The following TENM2 variants were observed in gnomAD, a reference collection of about 807,000 sequenced individuals.
TENM2 encodes teneurin-2.
TENM2 carries 52 observed loss-of-function variants against 245.2 expected under a neutral mutation model. The observed-to-expected ratio is 0.21, with a 90% CI of 0.17 to 0.27. The LOEUF (loss-of-function observed/expected upper bound fraction) is 0.27. TENM2 is among the 10% of genes least tolerant of loss of function. The probability of loss-of-function intolerance (pLI) is 1.00; values close to 1 mark genes in which losing one functional copy is unlikely to be tolerated. For missense variants in TENM2, 3,046 were observed against 3,666.8 expected, an observed-to-expected ratio of 0.83 and a Z score of 4.37; for synonymous variants, 1,363 against 1,438.9, an observed-to-expected ratio of 0.95 and a Z score of 1.19.
chr5:168,121,957 A>G (rs1160567373), intron 10 of TENM2, among the ~76,000 whole-genome samples: 3 of 152,238 alleles, frequency 2.0e-5, no homozygotes, highest in African/African-American at 7.2e-5. Flanking sequence ...CAGATCCCCA[A>G]ATACGATTTT....
chr5:167,958,862 T>G (rs1780768539), intron 4 of TENM2, among the ~76,000 whole-genome samples: 1 of 152,314 alleles, frequency 6.6e-6, no homozygotes, highest in Non-Finnish European at 1.5e-5. Flanking sequence ...GTTAGTCTGA[T>G]GAGCTTCCTT....
At chr5:168,083,692 G>C (rs1792197173) in intron 7 of TENM2, among the ~76,000 whole-genome samples, 1 of 152,018 alleles carries the variant, frequency 6.6e-6, no homozygotes, top group African/African-American at 2.4e-5. Context: ...AGAATCATGA[G>C]TTTTTGCTGA....
intron 2 of TENM2, among the ~76,000 whole-genome samples, chr5:167,460,229 G>A (rs988809329): frequency 2.0e-5 from 3 of 151,982 alleles, no homozygotes; most frequent in Non-Finnish European, 4.4e-5. Context: ...TCTCTAAAGC[G>A]CATCATCCAA....
In TENM2 at chr5:168,162,762, G is replaced by A. The variant is rs1306292733; in HGVS notation, c.2569+5G>A. On this transcript the variant is annotated splice_donor_5th_base_variant and intron_variant, in intron 13 of 28. Coordinates refer to ENST00000518659, the Ensembl canonical transcript of TENM2. ...ATAACAAGGATAATGAGGGAGGTGA[G>A]CACGCGTCTTCTCATTCCCAGCCCC... The A allele has an allele frequency of 1.2e-6, 2 of 1,611,336 alleles. No individual in the cohort carries two copies. Among genetic ancestry groups the A allele is most frequent in the Non-Finnish European group, 1.7e-6 (2 of 1,177,638 alleles).
chr5:167,414,850 A>C (rs989489378), intron 2 of TENM2, among the ~76,000 whole-genome samples: 2 of 152,176 alleles, frequency 1.3e-5, no homozygotes, highest in African/African-American at 2.4e-5. Context: ...AGCAAGAGTT[A>C]TCCTTTCTGT....
At chr5:167,187,848 A>AT in the TENM2 span, among the ~76,000 whole-genome samples, 1 of 151,872 alleles carries the variant, frequency 6.6e-6, no homozygotes, top group South Asian at 2.1e-4. Context: ...TGCTGTTCTG[A>AT]TTTTCCAAGA....
intron 1 of TENM2, among the ~76,000 whole-genome samples, chr5:167,359,509 T>C (rs1466571560): frequency 6.9e-6 from 1 of 144,040 alleles, no homozygotes; most frequent in Non-Finnish European, 1.6e-5. Flanking sequence ...TCTTCTACTT[T>C]CTATTTTTTT....
At chr5:167,431,970 T>TATGTGTATATATATATATATATAC (rs1764278227) in intron 2 of TENM2, among the ~76,000 whole-genome samples, 3 of 135,526 alleles carry the variant, frequency 2.2e-5, no homozygotes, top group Non-Finnish European at 3.1e-5. Flanking sequence ...TGTATATATA[T>TATGTGTATATATATATATATATAC]ATATATATGG....
the TENM2 span, among the ~76,000 whole-genome samples, chr5:167,091,162 G>A: frequency 3.3e-5 from 5 of 152,058 alleles, no homozygotes; most frequent in Admixed American, 2.0e-4. Context: ...ATAACCAGAT[G>A]TGGAACAGCT....
At chr5:167,569,058 T>C (rs1433902680) in intron 2 of TENM2, among the ~76,000 whole-genome samples, 1 of 138,928 alleles carries the variant, frequency 7.2e-6, no homozygotes, top group East Asian at 2.3e-4. Flanking sequence ...CCGAAATCAA[T>C]GAGTATCACC....
At chr5:167,411,853 A>G (rs1335230555) in intron 2 of TENM2, among the ~76,000 whole-genome samples, 2 of 142,804 alleles carry the variant, frequency 1.4e-5, no homozygotes, top group African/African-American at 2.6e-5. Context: ...TTCAATTATC[A>G]TATTCATGTC....
intron 2 of TENM2, among the ~76,000 whole-genome samples, chr5:167,634,877 G>A (rs947440131): frequency 5.3e-5 from 8 of 151,956 alleles, no homozygotes; most frequent in Admixed American, 3.3e-4. Flanking sequence ...GGACATTCAG[G>A]GATAATTTCA....
At position 168,067,968 on chromosome 5, in the gene TENM2, C is replaced by T. The variant is rs58768745; in HGVS notation, c.1515+5703C>T. Among the ~76,000 whole-genome samples the T allele has an allele frequency of 5.4e-3, 817 of 152,230 alleles. 7 individuals carry two copies. Among genetic ancestry groups the T allele is most frequent in the African/African-American group, 0.018 (768 of 41,528 alleles). On this transcript the variant is annotated intron_variant, in intron 7 of 28. Transcript: ENST00000518659. ...CAGAACCTTCCTTTCCAAAGGAGCT[C>T]GAGCTGTAGAGAACGATTGTGTGAA...
chr5:167,537,299 A>G (rs1316822752), intron 2 of TENM2, among the ~76,000 whole-genome samples: 6 of 149,716 alleles, frequency 4.0e-5, no homozygotes, highest in African/African-American at 1.5e-4. Flanking sequence ...AGATTTTTTC[A>G]TCTGCAAAGC....
At position 167,322,474 on chromosome 5, in the gene TENM2, C is replaced by A. The variant is rs1033934104; in HGVS notation, c.226+37411C>A. ...ACTGCGTTGCTCCCTGACTGTGTGACCTCAGCTATGCAAGTTGTGTGTACC... is the reference window on the plus strand; with the variant it reads ...ACTGCGTTGCTCCCTGACTGTGTGAACTCAGCTATGCAAGTTGTGTGTACC... On this transcript the variant is annotated intron_variant, in intron 1 of 28. Transcript: ENST00000518659. 6.6e-5 allele frequency among the ~76,000 whole-genome samples: 10 copies of A among 152,250 alleles called. 1 individual carries two copies. In the South Asian group the frequency reaches 1.9e-3, roughly 29 times the overall value.
intron 1 of TENM2, among the ~76,000 whole-genome samples, chr5:167,372,421 C>T (rs1166816162): frequency 6.6e-6 from 1 of 152,206 alleles, no homozygotes; most frequent in Non-Finnish European, 1.5e-5. Flanking sequence ...TCCATGTCCT[C>T]CCATGGCCCT....
chr5:168,197,384 A>T (rs1487180565), intron 15 of TENM2, among the ~76,000 whole-genome samples: 2 of 152,132 alleles, frequency 1.3e-5, no homozygotes, highest in African/African-American at 4.8e-5. Context: ...AGCAAGACAG[A>T]CAGCACCACT....
chr5:167,081,821 A>G, the TENM2 span, among the ~76,000 whole-genome samples: 1 of 152,344 alleles, frequency 6.6e-6, no homozygotes, highest in South Asian at 2.1e-4. Flanking sequence ...AGAAAGATTC[A>G]AAGACCACTC....
Position 168,227,880 on chromosome 5 carries a change from C to A in TENM2, c.5285-15C>A. 1 of 1,553,340 alleles carries A rather than the reference C, an allele frequency of 6.4e-7. No homozygotes were observed. The highest frequency in any genetic ancestry group is 8.8e-7 in the Non-Finnish European group (1 of 1,133,192). On this transcript the variant is annotated splice_polypyrimidine_tract_variant and intron_variant, in intron 24 of 28. Coordinates refer to ENST00000518659, the Ensembl canonical transcript of TENM2. ...ATTTATTTCCCTATCCCCACCCCCA[C>A]TTACATTTTTCCAGATCAAGTTCGG...
Sources: allele counts gnomAD v4.1 joint callset (sites outside exome capture counted in the v4.1 genomes callset), GRCh38; gene constraint gnomAD v4.1.1; transcripts MANE v1.5; gene names NCBI Gene and HGNC (gene_info 2026-07-23, HGNC 2026-07-21).